F7: variants seen among roughly 807,000 people sequenced by gnomAD.
F7 encodes FVII coagulation protein.
F7 carries 38 observed loss-of-function variants against 47.5 expected under a neutral mutation model. The observed-to-expected ratio is 0.80, with a 90% CI of 0.62 to 1.05. The LOEUF (loss-of-function observed/expected upper bound fraction) is 1.05, where lower values mean the gene tolerates loss of function less well. Ranked by LOEUF, F7 falls within the 50% of genes least tolerant of loss-of-function variation. The probability of loss-of-function intolerance (pLI) is 0.00; values close to 1 mark genes in which losing one functional copy is unlikely to be tolerated. For synonymous variants in F7, 244 were observed against 258.5 expected (o/e 0.94, Z 0.54); for missense variants, 575 against 605.4 (o/e 0.95, Z 0.53).
chr13:113,116,819 C>A lies in F7; in HGVS notation c.559C>A (p.Pro187Thr). The A allele has an allele frequency of 1.2e-6, 2 of 1,613,906 alleles. No individual in the cohort carries two copies. Among genetic ancestry groups the A allele is most frequent in the Non-Finnish European group, 1.7e-6 (2 of 1,180,024 alleles). Reference sequence around the variant, plus strand: ...TCTAGAAAAAAGAAATGCCAGCAAACCCCAAGGCCGAATTGTGGGGGGCAA... The same window carrying A: ...TCTAGAAAAAAGAAATGCCAGCAAAACCCAAGGCCGAATTGTGGGGGGCAA... ...PILEKRNASK[P>T]QGRIVGGKVC... Residue 187 changes from proline to threonine, a missense_variant, in exon 6 of 8, where the codon CCC becomes ACC. Coordinates refer to ENST00000346342, the MANE Select transcript of F7 (RefSeq NM_019616.4).
intron 2 of F7, among the ~76,000 whole-genome samples, chr13:113,112,778 G>T (rs1398333760): frequency 7.3e-6 from 1 of 137,324 alleles, no homozygotes; most frequent in African/African-American, 2.8e-5. Context: ...GGTCACCTCA[G>T]TCTTACAGGA....
chr13:113,118,925 G>A lies in F7; in HGVS notation c.1252G>A (p.Val418Ile). Residue 418 changes from valine (V) to isoleucine (I), a missense_variant, in exon 8 of 8, where the codon GTC becomes ATC. By Grantham distance (29) the Val-to-Ile change is conservative (BLOSUM62 3). Transcript: ENST00000346342. ...TVGHFGVYTR[V>I]SQYIEWLQKL... is the part of the protein sequence containing the mutation. ...GGGCCACTTTGGGGTGTACACCAGG[G>A]TCTCCCAGTACATCGAGTGGCTGCA... The A allele has an allele frequency of 1.2e-6, 2 of 1,611,656 alleles. No homozygotes were observed. The highest frequency in any genetic ancestry group is 1.7e-6 in the Non-Finnish European group (2 of 1,179,956).
At chr13:113,117,394 T>C in intron 6 of F7, 79 bp from the exon 7 acceptor site, 1 of 1,595,040 alleles carries the variant, frequency 6.3e-7, no homozygotes, top group African/African-American at 1.3e-5. Context: ...CAGAGGTTCC[T>C]TGGCATGCCC....
intron 5 of F7, 108 bp downstream of exon 5, chr13:113,115,908 C>A: frequency 6.8e-7 from 1 of 1,477,670 alleles, no homozygotes; most frequent in Non-Finnish European, 9.3e-7. Context: ...CTACTGAGCA[C>A]TAACTATGCA....
At chr13:113,114,813 C>T (rs2036165401) in intron 4 of F7, 1 of 153,088 alleles carries the variant, frequency 6.5e-6, no homozygotes, top group Non-Finnish European at 1.5e-5. Context: ...TCAGGCAAGA[C>T]CTTCCAAGGG....
At chr13:113,108,774 T>C (rs1270815988) in intron 1 of F7, among the ~76,000 whole-genome samples, 15 of 46,424 alleles carry the variant, frequency 3.2e-4, no homozygotes, top group East Asian at 2.9e-3. Context: ...GTCCCGGGAG[T>C]GTGGGTGTCC....
intron 4 of F7, among the ~76,000 whole-genome samples, chr13:113,115,436 C>T (rs1392777615): frequency 6.6e-6 from 1 of 152,196 alleles, no homozygotes; most frequent in Non-Finnish European, 1.5e-5. Flanking sequence ...CCAGCACTGC[C>T]AGCCACTGGC....
In F7 at chr13:113,119,176, G is replaced by A. The variant is rs922474506; in HGVS notation, c.*168G>A. 3.7e-5 allele frequency: 24 copies of A among 656,768 alleles called. 1 individual carries two copies. In the East Asian group the frequency reaches 4.1e-4, roughly 11 times the overall value. The allele number at this position is 656,768 out of a possible 1,614,324, so 40.7% of individuals were successfully genotyped here. A position where few individuals can be genotyped will look rare whatever the true frequency, so the allele number is the denominator to read the frequency against. On this transcript the variant is annotated 3_prime_UTR_variant, in exon 8 of 8. Transcript: ENST00000346342. ...ACAGAGAGAGACAGAGACAGAGAGA[G>A]ACTGAGGGAGAGACTCTGAGGACAT... is the stretch of plus-strand genomic sequence containing the variant.
Position 113,119,218 on chromosome 13 carries a change from A to G in F7, c.*210A>G. 1.7e-6 allele frequency: 1 copy of G among 598,712 alleles called. No homozygotes were observed. The highest frequency in any genetic ancestry group is 2.8e-5 in the East Asian group (1 of 36,132). The allele number at this position is 598,712 out of a possible 1,614,324, so 37.1% of individuals were successfully genotyped here. A position where few individuals can be genotyped will look rare whatever the true frequency, so the allele number is the denominator to read the frequency against. The stretch of plus-strand genomic sequence containing the variant: ...TGAGGACATGGAGAGAGACTCAAAG[A>G]GACTCCAAGATTCAAAGAGACTAAT... On this transcript the variant is annotated 3_prime_UTR_variant, in exon 8 of 8. Transcript: ENST00000346342.
At position 113,118,507 on chromosome 13, in the gene F7, C is replaced by T. The variant is rs1244609292; in HGVS notation, c.834C>T (p.Asn278=). Residue 278 remains asparagine, a synonymous_variant, in exon 8 of 8, where the codon AAC becomes AAT. Transcript: ENST00000346342. ...GCACGTACGTCCCGGGCACCACCAA[C>T]CACGACATCGCGCTGCTCCGCCTGC... ...IPSTYVPGTT[N]HDIALLRLHQ... 1.9e-6 allele frequency: 3 copies of T among 1,611,112 alleles called. No individual in the cohort carries two copies. Among genetic ancestry groups the T allele is most frequent in the Non-Finnish European group, 2.5e-6 (3 of 1,179,868 alleles).
intron 1 of F7, chr13:113,107,025 A>C: frequency 1.7e-6 from 2 of 1,203,298 alleles, no homozygotes; most frequent in Non-Finnish European, 1.2e-6. Context: ...GTGCCCCCCA[A>C]GGAGGGTGTT....
At position 113,119,111 on chromosome 13, in the gene F7, TGGGA is replaced by T; in HGVS notation, c.*113_*116del. The T allele has an allele frequency of 8.2e-6, 6 of 728,362 alleles. No individual in the cohort carries two copies. Among genetic ancestry groups the T allele is most frequent in the South Asian group, 1.5e-5 (1 of 68,106 alleles). 45.1% of individuals were successfully genotyped at this position (728,362 alleles called of 1,614,324 possible). ...GCAGTTAATGGGGTAGAGGAGGGCA[TGGGA>T]GGGAGGGAGAGGTGGGGAGGGAGAC... On this transcript the variant is annotated 3_prime_UTR_variant, in exon 8 of 8. Transcript: ENST00000346342.
intron 1 of F7, among the ~76,000 whole-genome samples, chr13:113,106,245 T>C (rs899236811): frequency 1.7e-5 from 2 of 120,090 alleles, no homozygotes; most frequent in Non-Finnish European, 3.4e-5. Flanking sequence ...CACAGGGTGC[T>C]CCCAGGCTGG....
At chr13:113,106,919 G>T in intron 1 of F7, 1 of 1,599,372 alleles carries the variant, frequency 6.3e-7, no homozygotes, top group South Asian at 1.1e-5. Flanking sequence ...AGGTGAGCAG[G>T]GACTGCCACT....
chr13:113,113,264 T>G lies in F7; in HGVS notation c.226-488T>G, dbSNP rs1188877090. Among the ~76,000 whole-genome samples, 1 of 152,222 alleles carries G rather than the reference T, an allele frequency of 6.6e-6. No individual in the cohort carries two copies. Among genetic ancestry groups the G allele is most frequent in the Non-Finnish European group, 1.5e-5 (1 of 68,038 alleles). On this transcript the variant is annotated intron_variant, in intron 2 of 7. Transcript: ENST00000346342. The surrounding 1 kb of genome is among the most constrained non-coding windows in gnomAD (Gnocchi z 4.1). ...ATGCCTAGCATTTTTATACACCTAG[T>G]TTTGAAAGCATTTCTCATCTGTTGT... is the stretch of plus-strand genomic sequence containing the variant.
At position 113,111,911 on chromosome 13, in the gene F7, C is replaced by T. The variant is rs536383093; in HGVS notation, c.225+1061C>T. 1.0e-4 allele frequency among the ~76,000 whole-genome samples: 15 copies of T among 146,850 alleles called. No individual in the cohort carries two copies. Among genetic ancestry groups the T allele is most frequent in the Middle Eastern group, 3.7e-3 (1 of 270 alleles). On this transcript the variant is annotated intron_variant, in intron 2 of 7. Coordinates refer to ENST00000346342, the MANE Select transcript of F7 (RefSeq NM_019616.4). ...CTCACAGGACACCTCACACTCAGGG[C>T]GCACTTCACACTCACGGGTCACCTC...
chr13:113,116,994 G>C, intron 6 of F7, 119 bp downstream of exon 6: 2 of 826,420 alleles, frequency 2.4e-6, no homozygotes, highest in Non-Finnish European at 4.2e-6. Flanking sequence ...CAGGCTCCAA[G>C]TCAGCACACC....
At chr13:113,107,865 C>T (rs1185303286) in intron 1 of F7, among the ~76,000 whole-genome samples, 26 of 85,088 alleles carry the variant, frequency 3.1e-4, no homozygotes, top group African/African-American at 1.0e-3. Context: ...GTGGGTGTCC[C>T]GGGGGCGTGG....
At position 113,109,967 on chromosome 13, in the gene F7, T is replaced by A. The variant is rs1440686078; in HGVS notation, c.65-723T>A. Among the ~76,000 whole-genome samples the A allele has an allele frequency of 2.0e-5, 3 of 152,144 alleles. No individual in the cohort carries two copies. The East Asian group carries it at 5.8e-4, about 29-fold the overall frequency. ...CGTCTTCCCATGGGCAAAACGGCGG[T>A]CCTGTTTGTCCACAAGTAACCGTCG... On this transcript the variant is annotated intron_variant, in intron 1 of 7. Coordinates refer to ENST00000346342, the MANE Select transcript of F7 (RefSeq NM_019616.4).
Sources: gnomAD v4.1 joint callset for allele counts (sites outside exome capture counted in the v4.1 genomes callset) on GRCh38, gnomAD v4.1.1 for gene constraint, Gnocchi (gnomAD v3.1) non-coding constraint, MANE v1.5 for transcripts, NCBI Gene and HGNC (gene_info 2026-07-23, HGNC 2026-07-21) for gene names.